CSMD1: variants seen among roughly 807,000 people sequenced by gnomAD.
CSMD1 encodes CUB and Sushi multiple domains 1.
In CSMD1, 213 loss-of-function variants were observed where a neutral mutation model predicts 417.5. The ratio of observed to expected loss-of-function variants is 0.51; its 90% CI spans 0.46 to 0.57. The LOEUF is 0.57. Among genes scored for constraint, CSMD1 ranks in the 20% least tolerant of loss-of-function variants. The probability of loss-of-function intolerance (pLI) is 0.00; values close to 1 mark genes in which losing one functional copy is unlikely to be tolerated. For synonymous variants in CSMD1, 2,862 were observed against 1,736.8 expected (o/e 1.65, Z -16.11); for missense variants, 6,923 against 4,529.7 (o/e 1.53, Z -15.17).
At chr8:4,556,048 T>C (rs755646051) in intron 2 of CSMD1, among the ~76,000 whole-genome samples, 9 of 152,132 alleles carry the variant, frequency 5.9e-5, no homozygotes, top group Non-Finnish European at 1.3e-4. Context: ...AAATAAAATA[T>C]AATTATTTTA....
At chr8:3,646,007 G>A (rs898204013) in intron 7 of CSMD1, among the ~76,000 whole-genome samples, 11 of 151,240 alleles carry the variant, frequency 7.3e-5, no homozygotes, top group Non-Finnish European at 5.9e-5. Flanking sequence ...CGCAATTTCT[G>A]TTATAGCATT....
At chr8:4,044,774 C>G (rs140092483) in intron 3 of CSMD1, among the ~76,000 whole-genome samples, 1 of 25,720 alleles carries the variant, frequency 3.9e-5, no homozygotes, top group Non-Finnish European at 1.3e-4. Flanking sequence ...AGCACCCTAG[C>G]CGTGTAGCAC....
chr8:3,838,008 C>G lies in CSMD1; in HGVS notation c.819-83966G>C, dbSNP rs573522557. ...GGCTTCTTGGACTTCTGATGCCCTC[C>G]CCAACTAATTATCATAAATAAATAT... On this transcript the variant is annotated intron_variant, in intron 5 of 69. Coordinates refer to ENST00000635120, the MANE Select transcript of CSMD1 (RefSeq NM_033225.6). Among the ~76,000 whole-genome samples, 4 of 151,964 alleles carry G rather than the reference C, an allele frequency of 2.6e-5. No individual in the cohort carries two copies. The East Asian group carries it at 7.7e-4, about 29-fold the overall frequency.
chr8:4,436,584 A>AT (rs1484276498), intron 2 of CSMD1, among the ~76,000 whole-genome samples: 1 of 152,130 alleles, frequency 6.6e-6, no homozygotes, highest in Non-Finnish European at 1.5e-5. Context: ...ACTGTTGATT[A>AT]TATCCATCCT....
intron 42 of CSMD1, among the ~76,000 whole-genome samples, chr8:3,116,214 T>C (rs1053765866): frequency 6.6e-6 from 1 of 152,224 alleles, no homozygotes; most frequent in African/African-American, 2.4e-5. Flanking sequence ...AAATCCTTTA[T>C]ATAGGTCCTC....
At chr8:3,089,868 C>T (rs1362559675) in intron 48 of CSMD1, among the ~76,000 whole-genome samples, 2 of 152,080 alleles carry the variant, frequency 1.3e-5, no homozygotes, top group African/African-American at 2.4e-5. Context: ...TTTTGAAAGA[C>T]GTAGAAATCA....
intron 3 of CSMD1, among the ~76,000 whole-genome samples, chr8:4,381,155 A>G (rs1803077074): frequency 6.6e-6 from 1 of 152,192 alleles, no homozygotes; most frequent in Non-Finnish European, 1.5e-5. Flanking sequence ...AAAGAAGTCA[A>G]TTTTTAAAAA....
intron 2 of CSMD1, among the ~76,000 whole-genome samples, chr8:4,432,806 A>T (rs1316354480): frequency 6.6e-6 from 1 of 152,188 alleles, no homozygotes; most frequent in Non-Finnish European, 1.5e-5. Flanking sequence ...ATTGATTAGA[A>T]ACCAACCAAC....
chr8:3,225,457 T>C (rs1176175403), intron 27 of CSMD1, among the ~76,000 whole-genome samples: 1 of 152,004 alleles, frequency 6.6e-6, no homozygotes, highest in Non-Finnish European at 1.5e-5. Context: ...CACAGGGCAG[T>C]GCCTCCTCAG....
chr8:3,558,558 C>G (rs562271428), intron 10 of CSMD1, among the ~76,000 whole-genome samples: 1 of 145,818 alleles, frequency 6.9e-6, no homozygotes, highest in Non-Finnish European at 1.5e-5. Context: ...AATGGTACCC[C>G]GTGTCCACTC....
chr8:4,602,411 A>G (rs568611448), intron 2 of CSMD1, among the ~76,000 whole-genome samples: 22 of 152,290 alleles, frequency 1.4e-4, no homozygotes, highest in African/African-American at 5.3e-4. Flanking sequence ...CAAGATACGG[A>G]ACACAGGAAC....
At chr8:3,903,594 T>G (rs1807911241) in intron 5 of CSMD1, among the ~76,000 whole-genome samples, 1 of 152,184 alleles carries the variant, frequency 6.6e-6, no homozygotes, top group Non-Finnish European at 1.5e-5. Context: ...TTCTTCATAC[T>G]TAGTTCACTA....
chr8:4,739,141 CAT>C (rs1810439207), intron 1 of CSMD1, among the ~76,000 whole-genome samples: 1 of 152,224 alleles, frequency 6.6e-6, no homozygotes, highest in Admixed American at 6.5e-5. Context: ...TACACACACG[CAT>C]ACACACACTT....
Position 3,406,170 on chromosome 8 carries a change from C to G in CSMD1, c.2123G>C (p.Arg708Pro). ...CCCGAGTAGAAACCTGTCACCAAAA[C>G]GTCGTCCGTTTATAGGAATGCCAGG... The part of the protein sequence containing the change: ...HDPGIPINGR[R>P]FGDRFLLGSS... Residue 708 changes from arginine (R) to proline (P), a missense_variant, in exon 15 of 70, where the codon CGT becomes CCT. By Grantham distance (103) the Arg-to-Pro change is moderately radical (BLOSUM62 -2). Coordinates refer to ENST00000635120, the MANE Select transcript of CSMD1 (RefSeq NM_033225.6). The G allele has an allele frequency of 1.2e-6, 2 of 1,612,936 alleles. No homozygotes were observed. The highest frequency in any genetic ancestry group is 1.7e-6 in the Non-Finnish European group (2 of 1,179,442).
At chr8:4,883,249 A>T (rs1244956009) in intron 1 of CSMD1, among the ~76,000 whole-genome samples, 6 of 152,146 alleles carry the variant, frequency 3.9e-5, no homozygotes, top group Admixed American at 6.5e-5. Flanking sequence ...GGATCAGATA[A>T]GAGAATGATG....
At chr8:3,805,329 G>A (rs1486097652) in intron 5 of CSMD1, among the ~76,000 whole-genome samples, 1 of 152,156 alleles carries the variant, frequency 6.6e-6, no homozygotes, top group Non-Finnish European at 1.5e-5. Context: ...AAGGCAAGAA[G>A]CTACAACTTT....
In CSMD1 at chr8:3,050,616, T is replaced by G. The variant is rs540537146; in HGVS notation, c.7660+1846A>C. On this transcript the variant is annotated intron_variant, in intron 50 of 69. Transcript: ENST00000635120. ...TTGCTATCCTAGCCTCCCATACTAT[T>G]ACTTAATTGCAATAAAATAGTACCG... Among the ~76,000 whole-genome samples the G allele has an allele frequency of 2.0e-5, 3 of 152,326 alleles. No individual in the cohort carries two copies. The South Asian group carries it at 6.2e-4, about 32-fold the overall frequency.
chr8:4,374,367 G>C (rs2067652), intron 3 of CSMD1, among the ~76,000 whole-genome samples: 9,572 of 152,170 alleles, frequency 0.063, 799 homozygotes, highest in African/African-American at 0.19. Context: ...ATAGGTGTCA[G>C]GGGATATCAG....
intron 2 of CSMD1, among the ~76,000 whole-genome samples, chr8:4,568,161 T>C (rs887315458): frequency 8.5e-5 from 13 of 152,302 alleles, no homozygotes; most frequent in Middle Eastern, 3.4e-3. Context: ...AAAAAATATA[T>C]AAGTTATGGG....
Sources: gnomAD v4.1 joint callset for allele counts (sites outside exome capture counted in the v4.1 genomes callset) on GRCh38, gnomAD v4.1.1 for gene constraint, MANE v1.5 for transcripts, NCBI Gene and HGNC (gene_info 2026-07-23, HGNC 2026-07-21) for gene names.